Variants in NLRP5 observed in about 807,000 individuals in gnomAD.
NLRP5 encodes NLR family pyrin domain containing 5.
A neutral mutation model predicts 113.1 loss-of-function variants in NLRP5; 93 were observed. The ratio of observed to expected loss-of-function variants is 0.82; its 90% CI spans 0.70 to 0.98. NLRP5 has a LOEUF of 0.98. Among genes scored for constraint, NLRP5 ranks in the 50% least tolerant of loss-of-function variants. NLRP5 has a pLI of 0.00. For synonymous variants in NLRP5, 751 were observed against 600.7 expected, an observed-to-expected ratio of 1.25 and a Z score of -3.66; for missense variants, 1,808 against 1,514.3, an observed-to-expected ratio of 1.19 and a Z score of -3.22.
At chr19:56,021,551 C>G (rs1178361705) in intron 6 of NLRP5, among the ~76,000 whole-genome samples, 1 of 152,184 alleles carries the variant, frequency 6.6e-6, no homozygotes, top group Non-Finnish European at 1.5e-5. Flanking sequence ...GATTCCAGAT[C>G]GGTCATGTAG....
intron 12 of NLRP5, 117 bp downstream of exon 12, chr19:56,050,705 C>T: frequency 1.0e-6 from 1 of 981,660 alleles, no homozygotes; most frequent in Non-Finnish European, 1.5e-6. Flanking sequence ...GGTGAGCTGA[C>T]ACTCATTTTT....
At chr19:56,051,430 C>A (rs1046783002) in intron 12 of NLRP5, among the ~76,000 whole-genome samples, 1 of 152,110 alleles carries the variant, frequency 6.6e-6, no homozygotes, top group African/African-American at 2.4e-5. Flanking sequence ...TGACCTCAGG[C>A]AATCCACCCA....
chr19:56,014,460 C>G (rs143994246), intron 3 of NLRP5, among the ~76,000 whole-genome samples: 233 of 134,858 alleles, frequency 1.7e-3, no homozygotes, highest in African/African-American at 6.4e-3. Context: ...AGCCTGGTGA[C>G]AGAGAAACGC....
At chr19:56,025,601 G>A (rs141265452) in intron 6 of NLRP5, among the ~76,000 whole-genome samples, 150 of 151,714 alleles carry the variant, frequency 9.9e-4, no homozygotes, top group East Asian at 5.0e-3. Context: ...TAGTAGAGAC[G>A]GGGTTTCACT....
chr19:56,017,778 T>C (rs1982464391), intron 4 of NLRP5, among the ~76,000 whole-genome samples: 1 of 152,158 alleles, frequency 6.6e-6, no homozygotes, highest in African/African-American at 2.4e-5. Flanking sequence ...TATCGGTAAA[T>C]AGCGTCACTA....
intron 6 of NLRP5, among the ~76,000 whole-genome samples, chr19:56,026,565 T>A (rs1183038937): frequency 6.8e-6 from 1 of 146,460 alleles, no homozygotes; most frequent in East Asian, 2.0e-4. Flanking sequence ...TGGCTTCAAA[T>A]TTTGTTTCCC....
rs1396031444 is a variant in NLRP5 at position 56,005,105 on chromosome 19, A to T, written c.442+1010A>T. On this transcript the variant is annotated intron_variant, in intron 2 of 14. Transcript: ENST00000390649. ...TGAGACTGTGTCTCAAAAAAAAAAAAAAATATATATATATATATATAATAT... is the reference window on the plus strand; with the variant it reads ...TGAGACTGTGTCTCAAAAAAAAAAATAAATATATATATATATATATAATAT... Among the ~76,000 whole-genome samples the T allele has an allele frequency of 6.6e-3, 823 of 123,960 alleles. 15 individuals are homozygous for T. Among genetic ancestry groups the T allele is most frequent in the African/African-American group, 0.015 (495 of 33,102 alleles). The allele number at this position is 123,960 out of a possible 152,430, so 81.3% of individuals were successfully genotyped here.
chr19:56,045,586 G>A (rs1393718069), intron 11 of NLRP5, among the ~76,000 whole-genome samples: 1 of 152,008 alleles, frequency 6.6e-6, no homozygotes, highest in African/African-American at 2.4e-5. Context: ...CCCAGTGTGT[G>A]ATGTTCCCCT....
chr19:56,015,851 A>G (rs1205101168), intron 4 of NLRP5, 53 bp downstream of exon 4: 8 of 1,400,538 alleles, frequency 5.7e-6, no homozygotes, highest in Non-Finnish European at 6.8e-6. Context: ...AAGTTGGGTG[A>G]GAGAAGTTCA....
chr19:56,005,152 C>T (rs1340420031), intron 2 of NLRP5, among the ~76,000 whole-genome samples: 1 of 131,104 alleles, frequency 7.6e-6, no homozygotes, highest in Non-Finnish European at 1.7e-5. Flanking sequence ...CATATATACA[C>T]ACACATATAC....
At chr19:56,012,969 A>G (rs1018723737) in intron 3 of NLRP5, among the ~76,000 whole-genome samples, 1 of 152,162 alleles carries the variant, frequency 6.6e-6, no homozygotes, top group Non-Finnish European at 1.5e-5. Context: ...GTTTTATTGT[A>G]TTAACAAAGT....
At chr19:56,052,240 T>G (rs889890126) in intron 12 of NLRP5, among the ~76,000 whole-genome samples, 14 of 133,546 alleles carry the variant, frequency 1.0e-4, no homozygotes, top group African/African-American at 3.2e-4. Flanking sequence ...GGTGGGGTTT[T>G]GTTTTGTTTT....
intron 5 of NLRP5, among the ~76,000 whole-genome samples, chr19:56,019,857 G>C (rs1204982030): frequency 7.1e-6 from 1 of 141,310 alleles, no homozygotes; most frequent in Non-Finnish European, 1.5e-5. Flanking sequence ...TTTTTTTTGA[G>C]AAGGAGTCTC....
chr19:56,005,696 T>C (rs892956460), intron 2 of NLRP5, among the ~76,000 whole-genome samples: 1 of 152,128 alleles, frequency 6.6e-6, no homozygotes, highest in Admixed American at 6.5e-5. Flanking sequence ...CTCAGCAGCA[T>C]TAGCTGCAAA....
At chr19:56,046,000 G>T (rs920471979) in intron 11 of NLRP5, among the ~76,000 whole-genome samples, 1 of 152,178 alleles carries the variant, frequency 6.6e-6, no homozygotes, top group Non-Finnish European at 1.5e-5. Context: ...TGACCATGGT[G>T]CATCCTGCTC....
rs547901197 is a variant in NLRP5, at chr19:56,001,907, G to A, written c.63-1809G>A. The stretch of plus-strand genomic sequence containing the variant: ...ATCTACCACAAAGTAATGGTGGGGG[G>A]AAAGGAGATTTGCTCAAACTGGCCA... On this transcript the variant is annotated intron_variant, in intron 1 of 14. Transcript: ENST00000390649. Among the ~76,000 whole-genome samples, 248 of 151,414 alleles carry A rather than the reference G, an allele frequency of 1.6e-3. 1 individual carries two copies. Among genetic ancestry groups the A allele is most frequent in the African/African-American group, 5.6e-3 (232 of 41,282 alleles).
At chr19:56,054,583 AAC>A (rs979232519) in intron 13 of NLRP5, among the ~76,000 whole-genome samples, 4 of 132,232 alleles carry the variant, frequency 3.0e-5, no homozygotes, top group East Asian at 2.1e-4. Flanking sequence ...AAAAAAAAAA[AAC>A]GTGCTGATAC....
At chr19:55,989,131 T>G in the NLRP5 span, among the ~76,000 whole-genome samples, 1 of 152,202 alleles carries the variant, frequency 6.6e-6, no homozygotes, top group Non-Finnish European at 1.5e-5. Context: ...TGTACCTAGT[T>G]TTTTGGTCTT....
At chr19:56,052,467 A>G (rs902535559) in intron 12 of NLRP5, among the ~76,000 whole-genome samples, 1 of 152,006 alleles carries the variant, frequency 6.6e-6, no homozygotes, top group South Asian at 2.1e-4. Context: ...ACGGGGTTTC[A>G]CCATGTTGGT....
Sources: gnomAD v4.1 joint callset for allele counts (sites outside exome capture counted in the v4.1 genomes callset) on GRCh38, gnomAD v4.1.1 for gene constraint, MANE v1.5 for transcripts, NCBI Gene and HGNC (gene_info 2026-07-23, HGNC 2026-07-21) for gene names.